The following PRKG1 variants were observed in gnomAD, a reference collection of about 807,000 sequenced individuals.
PRKG1 encodes the protein cGMP-dependent protein kinase 1.
In PRKG1, 35 loss-of-function variants were observed where a neutral mutation model predicts 88.1. The observed-to-expected ratio is 0.40, with a 90% confidence interval of 0.30 to 0.53. The LOEUF (loss-of-function observed/expected upper bound fraction) is 0.53. PRKG1 is among the 20% of genes least tolerant of loss of function. PRKG1 has a pLI of 0.59. For synonymous variants in PRKG1, 303 were observed against 292.5 expected (o/e 1.04, Z -0.37); for missense variants, 540 against 839.8 (o/e 0.64, Z 4.41).
chr10:52,007,105 C>T (rs971956018), intron 5 of PRKG1, among the ~76,000 whole-genome samples: 3 of 152,296 alleles, frequency 2.0e-5, no homozygotes, highest in Non-Finnish European at 4.4e-5. Flanking sequence ...CTAGACCTGC[C>T]TTACAGGAGC....
At chr10:51,003,062 T>G (rs1842905143) in intron 1 of PRKG1, among the ~76,000 whole-genome samples, 1 of 152,136 alleles carries the variant, frequency 6.6e-6, no homozygotes, top group African/African-American at 2.4e-5. Flanking sequence ...AGTCAATATG[T>G]TTCCTAGGTT....
intron 1 of PRKG1, among the ~76,000 whole-genome samples, chr10:51,003,806 G>A (rs534341426): frequency 6.6e-5 from 10 of 152,110 alleles, no homozygotes; most frequent in South Asian, 4.2e-4. Context: ...TTTTTCACCC[G>A]AAATAAAATA....
intron 4 of PRKG1, among the ~76,000 whole-genome samples, chr10:51,814,509 C>T (rs1839536884): frequency 6.6e-6 from 1 of 152,062 alleles, no homozygotes; most frequent in South Asian, 2.1e-4. Flanking sequence ...TTTAATAGAG[C>T]TTTTCTAGAA....
chr10:51,957,442 C>T (rs1843341923), intron 5 of PRKG1, among the ~76,000 whole-genome samples: 1 of 151,854 alleles, frequency 6.6e-6, no homozygotes, highest in Admixed American at 6.6e-5. Flanking sequence ...CAGGCTCATG[C>T]CACCATGCAC....
At chr10:52,244,759 GATATATTTAAATATATACCTTAAT>G (rs1460104847) in intron 9 of PRKG1, among the ~76,000 whole-genome samples, 11 of 48,288 alleles carry the variant, frequency 2.3e-4, no homozygotes, top group East Asian at 1.5e-3. Context: ...TATATATTAA[GATATATTTAAATATATACCTTAAT>G]ATATATTTAA....
chr10:51,676,834 G>A (rs924541500), intron 3 of PRKG1, among the ~76,000 whole-genome samples: 1 of 152,054 alleles, frequency 6.6e-6, no homozygotes, highest in Admixed American at 6.6e-5. Context: ...TTATCTCCTG[G>A]CATTGATTCA....
At chr10:52,021,358 T>A (rs1845179840) in intron 5 of PRKG1, among the ~76,000 whole-genome samples, 1 of 152,010 alleles carries the variant, frequency 6.6e-6, no homozygotes. Flanking sequence ...TGAGGTAGAG[T>A]CTTGGGCCAT....
intron 5 of PRKG1, among the ~76,000 whole-genome samples, chr10:52,045,866 T>C (rs1003598473): frequency 2.6e-5 from 4 of 152,070 alleles, no homozygotes; most frequent in Non-Finnish European, 5.9e-5. Context: ...CCTGGGGGCA[T>C]GATGGTTCTT....
chr10:51,975,682 G>A (rs1413300018), intron 5 of PRKG1, among the ~76,000 whole-genome samples: 1 of 152,080 alleles, frequency 6.6e-6, no homozygotes, highest in African/African-American at 2.4e-5. Context: ...AGTACTGTAT[G>A]CTAAAAGTAT....
chr10:51,573,692 A>G (rs1334405490), intron 3 of PRKG1, among the ~76,000 whole-genome samples: 1 of 151,794 alleles, frequency 6.6e-6, no homozygotes, highest in African/African-American at 2.4e-5. Flanking sequence ...TTTAGGCCCC[A>G]CATAACCTTC....
intron 3 of PRKG1, among the ~76,000 whole-genome samples, chr10:51,786,766 T>G (rs1174782523): frequency 6.6e-6 from 1 of 152,200 alleles, no homozygotes; most frequent in Non-Finnish European, 1.5e-5. Flanking sequence ...TTCATTACTT[T>G]CAAGCTTTAC....
chr10:51,126,635 A>C (rs1310438222), intron 1 of PRKG1, among the ~76,000 whole-genome samples: 1 of 151,778 alleles, frequency 6.6e-6, no homozygotes, highest in African/African-American at 2.4e-5. Context: ...TTCATTTGGA[A>C]CCCAAAAGAG....
intron 1 of PRKG1, among the ~76,000 whole-genome samples, chr10:51,076,691 T>C (rs1564590477): frequency 6.6e-6 from 1 of 152,154 alleles, no homozygotes; most frequent in East Asian, 1.9e-4. Flanking sequence ...ATGTGATAAG[T>C]TTAAAAGCCT....
rs538126692 is a variant in PRKG1 at position 51,391,344 on chromosome 10, C to A, written c.479-76379C>A. On this transcript the variant is annotated intron_variant, in intron 2 of 17. Coordinates refer to ENST00000373980, the MANE Select transcript of PRKG1 (RefSeq NM_006258.4). ...TTTAGGGTACCATTGAAATTGATTTCCTTAGAGGTGTGCTAGAGGCAAAGT... is the reference window on the plus strand; with the variant it reads ...TTTAGGGTACCATTGAAATTGATTTACTTAGAGGTGTGCTAGAGGCAAAGT... 5.9e-5 allele frequency among the ~76,000 whole-genome samples: 9 copies of A among 152,218 alleles called. No homozygotes were observed. The South Asian group carries it at 1.9e-3, about 32-fold the overall frequency.
intron 1 of PRKG1, among the ~76,000 whole-genome samples, chr10:51,027,835 A>G (rs115677873): frequency 0.018 from 2,750 of 152,298 alleles, 49 homozygotes; most frequent in South Asian, 0.041. Flanking sequence ...AGTTTCTTAT[A>G]TGCAACCCAG....
intron 3 of PRKG1, among the ~76,000 whole-genome samples, chr10:51,586,512 A>G (rs968779559): frequency 6.6e-6 from 1 of 152,142 alleles, no homozygotes; most frequent in Non-Finnish European, 1.5e-5. Context: ...CATTTCCTGC[A>G]ATGATAGAAT....
chr10:51,071,035 A>G (rs981408337), upstream of PRKG1, among the ~76,000 whole-genome samples: 22 of 152,220 alleles, frequency 1.4e-4, no homozygotes, highest in African/African-American at 7.2e-5. Flanking sequence ...AATCTGAGGT[A>G]GACACTTCCT....
At chr10:52,044,285 T>G (rs1845815828) in intron 5 of PRKG1, among the ~76,000 whole-genome samples, 1 of 152,096 alleles carries the variant, frequency 6.6e-6, no homozygotes, top group Non-Finnish European at 1.5e-5. Flanking sequence ...GTGGGAAAGG[T>G]AAGGCAGAAG....
chr10:51,698,990 G>A, intron 3 of PRKG1: 1 of 1,614,238 alleles, frequency 6.2e-7, no homozygotes, highest in Non-Finnish European at 8.5e-7. Context: ...AATTTTCAGA[G>A]CAATCTCTGG....
Sources: allele counts gnomAD v4.1 joint callset (sites outside exome capture counted in the v4.1 genomes callset), GRCh38; gene constraint gnomAD v4.1.1; transcripts MANE v1.5; gene names NCBI Gene and HGNC (gene_info 2026-07-23, HGNC 2026-07-21).